The following CACNA1E variants were observed in gnomAD, a reference collection of about 807,000 sequenced individuals.
CACNA1E encodes voltage-dependent R-type calcium channel subunit alpha-1E.
A neutral mutation model predicts 259.2 loss-of-function variants in CACNA1E; 40 were observed. The ratio of observed to expected loss-of-function variants is 0.15; its 90% CI spans 0.12 to 0.20. The LOEUF is 0.20. CACNA1E is among the 10% of genes least tolerant of loss of function. The pLI is 1.00. For synonymous variants in CACNA1E, 1,104 were observed against 1,138.5 expected, an observed-to-expected ratio of 0.97 and a Z score of 0.61; for missense variants, 1,874 against 3,040.1, an observed-to-expected ratio of 0.62 and a Z score of 9.02.
intron 6 of CACNA1E, among the ~76,000 whole-genome samples, chr1:181,630,805 C>T (rs2101940568): frequency 6.6e-6 from 1 of 152,238 alleles, no homozygotes; most frequent in African/African-American, 2.4e-5. Context: ...AAGACTTTCT[C>T]AAAAGTCGTC....
intron 2 of CACNA1E, 57 bp from the exon 3 acceptor site, chr1:181,511,314 G>T: frequency 6.3e-7 from 1 of 1,597,298 alleles, no homozygotes; most frequent in South Asian, 1.1e-5. Flanking sequence ...GCTTTTGCCT[G>T]TGTCTCATAA....
intron 2 of CACNA1E, among the ~76,000 whole-genome samples, chr1:181,475,970 G>C (rs916471054): frequency 4.6e-5 from 7 of 152,222 alleles, no homozygotes; most frequent in Admixed American, 2.6e-4. Context: ...CAGAGGAAAG[G>C]GGTTGGGGAC....
Position 181,470,584 on chromosome 1 carries a change from T to G in CACNA1E, c.435-13160T>G, listed in dbSNP as rs1571944580. Among the ~76,000 whole-genome samples, 3 of 152,060 alleles carry G rather than the reference T, an allele frequency of 2.0e-5. No homozygotes were observed. In the East Asian group the frequency reaches 5.8e-4, roughly 29 times the overall value. The stretch of plus-strand genomic sequence containing the variant: ...CAACAATGCCTTTTCCCCTGAGAGG[T>G]ATATAACCAAGGAGAGGACATTTGG... On this transcript the variant is annotated intron_variant, in intron 2 of 11. Coordinates refer to the CACNA1E transcript ENST00000524607.
At chr1:181,364,904 G>T (rs1219611159) in intron 1 of CACNA1E, among the ~76,000 whole-genome samples, 1 of 152,150 alleles carries the variant, frequency 6.6e-6, no homozygotes, top group Non-Finnish European at 1.5e-5. Context: ...CCTGCCCATG[G>T]CCCCCTTCCT....
chr1:181,568,695 G>A (rs10910964), intron 3 of CACNA1E, among the ~76,000 whole-genome samples: 74,060 of 151,916 alleles, frequency 0.49, 18,457 homozygotes, highest in East Asian at 0.68. Context: ...TCCTGGGGTT[G>A]TGATTCTCCC....
intron 2 of CACNA1E, among the ~76,000 whole-genome samples, chr1:181,439,260 A>G (rs972227200): frequency 6.6e-6 from 1 of 152,212 alleles, no homozygotes; most frequent in African/African-American, 2.4e-5. Context: ...TATGTCTAAA[A>G]TTAAAGACAG....
intron 2 of CACNA1E, among the ~76,000 whole-genome samples, chr1:181,453,209 A>C (rs1661266603): frequency 2.6e-5 from 4 of 152,192 alleles, no homozygotes; most frequent in Admixed American, 2.0e-4. Context: ...TGAGTTAGAG[A>C]TTAAAGACAA....
rs1053289831 is a variant in CACNA1E at position 181,607,973 on chromosome 1, G to A, written c.951+27197G>A. Among the ~76,000 whole-genome samples, 7 of 152,150 alleles carry A rather than the reference G, an allele frequency of 4.6e-5. No homozygotes were observed. In the East Asian group the frequency reaches 1.4e-3, roughly 29 times the overall value. The stretch of plus-strand genomic sequence containing the variant: ...TAGACCCTGGGGATTAGCTATTGTG[G>A]GATGTCATTTCTAGTCCTGGGCCTG... On this transcript the variant is annotated intron_variant, in intron 6 of 47. Transcript: ENST00000367573.
chr1:181,404,582 A>T (rs1337087076), intron 1 of CACNA1E, among the ~76,000 whole-genome samples: 1 of 152,204 alleles, frequency 6.6e-6, no homozygotes, highest in Admixed American at 6.5e-5. Flanking sequence ...CAGAGAAGAG[A>T]GTGGAATGAA....
At chr1:181,571,931 TGATA>T (rs1650452851) in intron 3 of CACNA1E, among the ~76,000 whole-genome samples, 1 of 152,216 alleles carries the variant, frequency 6.6e-6, no homozygotes, top group African/African-American at 2.4e-5. Context: ...TAAGTGTAAC[TGATA>T]GATTTAGCAA....
chr1:181,411,745 G>T (rs1657860604), intron 1 of CACNA1E, among the ~76,000 whole-genome samples: 1 of 152,184 alleles, frequency 6.6e-6, no homozygotes, highest in South Asian at 2.1e-4. Flanking sequence ...AAGTAGCTGG[G>T]ATTACAGGCA....
intron 7 of CACNA1E, among the ~76,000 whole-genome samples, chr1:181,700,730 T>G (rs562070767): frequency 6.6e-6 from 1 of 152,306 alleles, no homozygotes; most frequent in Non-Finnish European, 1.5e-5. Context: ...AATGACTGTG[T>G]GAATCAAAAC....
intron 1 of CACNA1E, among the ~76,000 whole-genome samples, chr1:181,504,364 G>A (rs1180667165): frequency 2.0e-5 from 3 of 152,222 alleles, no homozygotes; most frequent in African/African-American, 7.2e-5. Flanking sequence ...GAAGTTGGGA[G>A]AGTGCACAGC....
At chr1:181,717,379 C>A in intron 11 of CACNA1E, 77 bp downstream of exon 11, 1 of 1,168,398 alleles carries the variant, frequency 8.6e-7, no homozygotes, top group South Asian at 1.2e-5. Context: ...GAACGCAAGA[C>A]AGCAAAGCAC....
intron 1 of CACNA1E, among the ~76,000 whole-genome samples, chr1:181,346,196 T>A (rs1308090583): frequency 6.6e-6 from 1 of 152,196 alleles, no homozygotes; most frequent in Non-Finnish European, 1.5e-5. Flanking sequence ...TCCTTAGGTG[T>A]CTCCATAGTT....
At chr1:181,680,774 A>G (rs1259224027) in intron 7 of CACNA1E, among the ~76,000 whole-genome samples, 3 of 152,146 alleles carry the variant, frequency 2.0e-5, no homozygotes, top group African/African-American at 4.8e-5. Flanking sequence ...AACGTTGGCC[A>G]GTTCCTTGAG....
intron 9 of CACNA1E, 37 bp from the exon 10 acceptor site, chr1:181,715,995 GGTGTACTT>G (rs1653851555): frequency 7.3e-7 from 1 of 1,366,484 alleles, no homozygotes; most frequent in Admixed American, 2.0e-5. Flanking sequence ...GAATGGTCTG[GGTGTACTT>G]GTGGCCTCTC....
At chr1:181,606,803 C>T (rs1204124400) in intron 6 of CACNA1E, among the ~76,000 whole-genome samples, 1 of 152,216 alleles carries the variant, frequency 6.6e-6, no homozygotes, top group Non-Finnish European at 1.5e-5. Flanking sequence ...AACCTTTGGA[C>T]ATGCTGTCCT....
At chr1:181,532,106 C>T (rs1667833638) in intron 3 of CACNA1E, among the ~76,000 whole-genome samples, 1 of 152,048 alleles carries the variant, frequency 6.6e-6, no homozygotes, top group South Asian at 2.1e-4. Flanking sequence ...GAGTGGGGTC[C>T]TTTGATCAGG....
Sources: allele counts gnomAD v4.1 joint callset (sites outside exome capture counted in the v4.1 genomes callset), GRCh38; gene constraint gnomAD v4.1.1; transcripts MANE v1.5; gene names NCBI Gene and HGNC (gene_info 2026-07-23, HGNC 2026-07-21).